Variants in UGT2B17 observed in about 807,000 individuals in gnomAD.
UGT2B17 encodes the protein UDP-glucuronosyltransferase 2B17.
UGT2B17 carries 21 observed loss-of-function variants against 48.2 expected under a neutral mutation model. The observed-to-expected ratio is 0.44, with a 90% CI of 0.31 to 0.63. The LOEUF (loss-of-function observed/expected upper bound fraction) is 0.63. UGT2B17 is among the 20% of genes least tolerant of loss of function. The probability of loss-of-function intolerance (pLI) is 0.08; values close to 1 mark genes in which losing one functional copy is unlikely to be tolerated. For missense variants in UGT2B17, 402 were observed against 696.1 expected, an observed-to-expected ratio of 0.58 and a Z score of 4.75; for synonymous variants, 146 against 238.4, an observed-to-expected ratio of 0.61 and a Z score of 3.57.
chr4:68,574,009 C>A (rs1276909094), intron 1 of UGT2B17, among the ~76,000 whole-genome samples: 2 of 126,528 alleles, frequency 1.6e-5, no homozygotes, highest in African/African-American at 5.4e-5. Context: ...ACCTGGTGAA[C>A]TGGAGGACCA....
Position 68,552,727 on chromosome 4 carries a change from CAAAT to C in UGT2B17, c.1006-820_1006-817del, listed in dbSNP as rs1000759371. ...GCATGAGCTAACTTTATGGCTCAAA[CAAAT>C]AAGACAATTGGCTGAGGTCTGGGAG... On this transcript the variant is annotated intron_variant, in intron 4 of 6. Transcript: ENST00000317746. Among the ~76,000 whole-genome samples the C allele has an allele frequency of 4.0e-5, 5 of 125,974 alleles. 1 individual carries two copies. In the Admixed American group the frequency reaches 4.1e-4, roughly 10 times the overall value. The allele number at this position is 125,974 out of a possible 152,430, so 82.6% of individuals were successfully genotyped here.
chr4:68,568,196 A>G lies in UGT2B17; in HGVS notation c.289T>C (p.Trp97Arg). The G allele has an allele frequency of 3.6e-6, 5 of 1,375,682 alleles. 1 individual carries two copies. The highest frequency in any genetic ancestry group is 2.1e-5 in the Admixed American group (1 of 48,460). 85.2% of individuals were successfully genotyped at this position (1,375,682 alleles called of 1,614,324 possible). The part of the protein sequence containing the change: ...EDFFMKMFDR[W>R]TYSISKNTFW... ...GTATTTTTTGAAATACTATATGTCC[A>G]TCTATCGAACATTTTCATAAAAAAA... The change falls in exon 2 of 7, where the codon TGG becomes CGG. Residue 97 changes from tryptophan (W) to arginine (R), a missense_variant. This residue lies in a region of UGT2B17 where 84 missense variants were observed against 92.6 expected (regional missense o/e 0.91). Coordinates refer to ENST00000317746, the MANE Select transcript of UGT2B17 (RefSeq NM_001077.4).
rs1451734451 is a variant in UGT2B17, at chr4:68,567,767, C to A, written c.718G>T (p.Val240Phe). 6.0e-6 allele frequency: 8 copies of A among 1,333,498 alleles called. No individual in the cohort carries two copies. Among genetic ancestry groups the A allele is most frequent in the Admixed American group, 2.5e-5 (1 of 39,864 alleles). 82.6% of individuals were successfully genotyped at this position (1,333,498 alleles called of 1,614,324 possible). Residue 240 changes from valine to phenylalanine, a missense_variant, in exon 2 of 7, where the codon GTT becomes TTT. By Grantham distance (50) the Val-to-Phe change is conservative. This residue lies in a region of UGT2B17 where 106 missense variants were observed against 169.8 expected (regional missense o/e 0.62). Coordinates refer to ENST00000317746, the MANE Select transcript of UGT2B17 (RefSeq NM_001077.4). ...AATTGGACACACGACTTACCTAGAACTTCACTATAAAACTGGTCCCACTTC... is the reference window on the plus strand; with the variant it reads ...AATTGGACACACGACTTACCTAGAAATTCACTATAAAACTGGTCCCACTTC... ...LKKWDQFYSE[V>F]LGRPTTLFET...
intron 2 of UGT2B17, 141 bp downstream of exon 2, chr4:68,567,620 G>A: frequency 1.5e-6 from 1 of 662,072 alleles, no homozygotes; most frequent in Non-Finnish European, 2.1e-6. Context: ...CTATATTTTT[G>A]AGACTCATAG....
At chr4:68,572,465 C>CT (rs1390500286) in intron 1 of UGT2B17, among the ~76,000 whole-genome samples, 1 of 125,756 alleles carries the variant, frequency 8.0e-6, no homozygotes, top group African/African-American at 2.7e-5. Context: ...GTTTTTGTTG[C>CT]TATTTAATTT....
At chr4:68,572,331 C>T (rs766036223) in intron 1 of UGT2B17, among the ~76,000 whole-genome samples, 2 of 125,818 alleles carry the variant, frequency 1.6e-5, no homozygotes, top group Non-Finnish European at 3.4e-5. Flanking sequence ...AGGAGCAGTC[C>T]TTAATTTTAT....
chr4:68,567,679 T>G, intron 2 of UGT2B17, 82 bp downstream of exon 2: 1 of 982,556 alleles, frequency 1.0e-6, no homozygotes, highest in Non-Finnish European at 1.3e-6. Flanking sequence ...CACTATCTTC[T>G]GACATTATAT....
In UGT2B17 at chr4:68,537,911, G is replaced by A. The variant is rs200311340; in HGVS notation, c.1314-7C>T. ...CATGATATTCTCTTTATAGCTGAAGGATAAATATAAAGATATCAACATTAA... is the reference window on the plus strand; with the variant it reads ...CATGATATTCTCTTTATAGCTGAAGAATAAATATAAAGATATCAACATTAA... On this transcript the variant is annotated splice_polypyrimidine_tract_variant and splice_region_variant and intron_variant, in intron 6 of 6. Transcript: ENST00000317746. The A allele has an allele frequency of 3.7e-4, 487 of 1,331,204 alleles. 120 individuals are homozygous for A. Among genetic ancestry groups the A allele is most frequent in the Non-Finnish European group, 4.4e-4 (453 of 1,024,476 alleles). 82.5% of individuals were successfully genotyped at this position (1,331,204 alleles called of 1,614,324 possible).
chr4:68,559,049 A>G lies in UGT2B17; in HGVS notation c.1005+1488T>C, dbSNP rs566814658. Among the ~76,000 whole-genome samples, 4 of 126,178 alleles carry G rather than the reference A, an allele frequency of 3.2e-5. 2 individuals carry two copies. Among genetic ancestry groups the G allele is most frequent in the Admixed American group, 1.6e-4 (2 of 12,250 alleles). 82.8% of individuals were successfully genotyped at this position (126,178 alleles called of 152,430 possible). A position where few individuals can be genotyped will look rare whatever the true frequency, so the allele number is the denominator to read the frequency against. On this transcript the variant is annotated intron_variant, in intron 4 of 6. Transcript: ENST00000317746. ...GCAGTCTTAATTCTAGTAATAAAAA[A>G]GTAGCAAATTAGTAATAACCTATAT... is the stretch of plus-strand genomic sequence containing the variant.
Position 68,545,507 on chromosome 4 carries a change from T to G in UGT2B17, c.1313+5170A>C, listed in dbSNP as rs1330881597. ...AAAATTGACACCCTAACGTCACAAT[T>G]AAAAGAACTAGAGAAGCAAGAGCAA... On this transcript the variant is annotated intron_variant, in intron 6 of 6. Transcript: ENST00000317746. Among the ~76,000 whole-genome samples, 4 of 124,508 alleles carry G rather than the reference T, an allele frequency of 3.2e-5. 2 individuals carry two copies. The highest frequency in any genetic ancestry group is 5.5e-5 in the African/African-American group (2 of 36,254). The allele number at this position is 124,508 out of a possible 152,430, so 81.7% of individuals were successfully genotyped here. A position where few individuals can be genotyped will look rare whatever the true frequency, so the allele number is the denominator to read the frequency against.
At position 68,547,284 on chromosome 4, in the gene UGT2B17, A is replaced by G. The variant is rs1306467667; in HGVS notation, c.1313+3393T>C. 1.8e-4 allele frequency among the ~76,000 whole-genome samples: 23 copies of G among 125,692 alleles called. 4 individuals are homozygous for G. The highest frequency in any genetic ancestry group is 3.4e-4 in the Non-Finnish European group (20 of 59,454). The allele number at this position is 125,692 out of a possible 152,430, so 82.5% of individuals were successfully genotyped here. On this transcript the variant is annotated intron_variant, in intron 6 of 6. Coordinates refer to ENST00000317746, the MANE Select transcript of UGT2B17 (RefSeq NM_001077.4). ...GAAATAATGCCACACATCTACAACT[A>G]TCTGATCTTTGACAAACCTTACAAA... is the stretch of plus-strand genomic sequence containing the variant.
At chr4:68,573,010 A>G (rs1452217150) in intron 1 of UGT2B17, among the ~76,000 whole-genome samples, 1 of 127,548 alleles carries the variant, frequency 7.8e-6, no homozygotes, top group Non-Finnish European at 1.7e-5. Context: ...TTCAATGGTT[A>G]TGTGGGGATT....
intron 6 of UGT2B17, among the ~76,000 whole-genome samples, chr4:68,541,825 G>A (rs183661961): frequency 7.9e-6 from 1 of 126,660 alleles, no homozygotes; most frequent in Admixed American, 8.1e-5. Context: ...TTTTGTATAA[G>A]GTGTAAGGCA....
At chr4:68,551,120 G>A (rs1730907204) in intron 5 of UGT2B17, among the ~76,000 whole-genome samples, 1 of 124,762 alleles carries the variant, frequency 8.0e-6, no homozygotes, top group African/African-American at 2.7e-5. Flanking sequence ...TGTCTTCACA[G>A]TGGAAACATA....
At position 68,576,307 on chromosome 4, in the gene UGT2B17, C is replaced by G. The variant is rs1337736561; in HGVS notation, c.-421G>C. On this transcript the variant is annotated 5_prime_UTR_variant, in exon 1 of 7. Coordinates refer to ENST00000317746, the MANE Select transcript of UGT2B17 (RefSeq NM_001077.4). ...GCTGGGAACATTGGCAAGATACTGC[C>G]TTAAAATCTGAGCTCCCCGAGTGCA... Among the ~76,000 whole-genome samples the G allele has an allele frequency of 7.9e-6, 1 of 126,028 alleles. No homozygotes were observed. The highest frequency in any genetic ancestry group is 1.7e-5 in the Non-Finnish European group (1 of 59,542). 82.7% of individuals were successfully genotyped at this position (126,028 alleles called of 152,430 possible).
chr4:68,565,808 G>T (rs920037584), intron 2 of UGT2B17, 88 bp from the exon 3 acceptor site: 4 of 1,173,216 alleles, frequency 3.4e-6, no homozygotes, highest in African/African-American at 3.3e-5. Context: ...TTCCTGAAAG[G>T]ACTTGGAATA....
rs761708963 is a variant in UGT2B17 at position 68,537,619 on chromosome 4, A to G, written c.*6T>C. The G allele has an allele frequency of 8.1e-6, 11 of 1,353,614 alleles. 3 individuals are homozygous for G. Among genetic ancestry groups the G allele is most frequent in the African/African-American group, 3.0e-5 (2 of 67,498 alleles). 83.9% of individuals were successfully genotyped at this position (1,353,614 alleles called of 1,614,324 possible). On this transcript the variant is annotated 3_prime_UTR_variant, in exon 7 of 7. Coordinates refer to ENST00000317746, the MANE Select transcript of UGT2B17 (RefSeq NM_001077.4). ...TTGGTCATTCCACTTCAGGCTTTTG[A>G]TATAACTAATCCCTTTTCTTCTTCT...
intron 1 of UGT2B17, among the ~76,000 whole-genome samples, chr4:68,569,532 C>A (rs1440030142): frequency 8.0e-6 from 1 of 125,228 alleles, no homozygotes; most frequent in African/African-American, 2.7e-5. Context: ...GGGTGGCCAG[C>A]GGAGCAGGGG....
rs1403566307 is a variant in UGT2B17, at chr4:68,573,061, A to G, written c.-65+2890T>C. Among the ~76,000 whole-genome samples the G allele has an allele frequency of 1.6e-5, 2 of 127,626 alleles. 1 individual carries two copies. The highest frequency in any genetic ancestry group is 3.3e-5 in the Non-Finnish European group (2 of 59,946). 83.7% of individuals were successfully genotyped at this position (127,626 alleles called of 152,430 possible). A position where few individuals can be genotyped will look rare whatever the true frequency, so the allele number is the denominator to read the frequency against. ...TTGGTATCTAGTTAGTCTATCATTTATTAGCTAATGATGTCCTTTGGTATT... is the reference window on the plus strand; with the variant it reads ...TTGGTATCTAGTTAGTCTATCATTTGTTAGCTAATGATGTCCTTTGGTATT... On this transcript the variant is annotated intron_variant, in intron 1 of 6. Transcript: ENST00000317746.
Sources: allele counts gnomAD v4.1 joint callset (sites outside exome capture counted in the v4.1 genomes callset), GRCh38; gene constraint gnomAD v4.1.1; regional missense constraint gnomAD v4.1.1; transcripts MANE v1.5; gene names NCBI Gene and HGNC (gene_info 2026-07-23, HGNC 2026-07-21).